The following RABGAP1L variants were observed in gnomAD, a reference collection of about 807,000 sequenced individuals.
RABGAP1L encodes rab GTPase-activating protein 1-like.
A neutral mutation model predicts 137.7 loss-of-function variants in RABGAP1L; 63 were observed. The ratio of observed to expected loss-of-function variants is 0.46; its 90% confidence interval spans 0.37 to 0.56. The LOEUF (loss-of-function observed/expected upper bound fraction) is 0.56, where lower values mean the gene tolerates loss of function less well. Ranked by LOEUF, RABGAP1L falls within the 20% of genes least tolerant of loss-of-function variation. RABGAP1L has a pLI of 0.00. For missense variants in RABGAP1L, 1,095 were observed against 1,244.0 expected, an observed-to-expected ratio of 0.88 and a Z score of 1.80; for synonymous variants, 431 against 433.7, an observed-to-expected ratio of 0.99 and a Z score of 0.08.
rs1006920289 is a variant in RABGAP1L, at chr1:174,761,572, C to T, written c.2211+9218C>T. The stretch of plus-strand genomic sequence containing the variant: ...ATGGTGGGGCCGCCTAGCAGAGGCG[C>T]TCCTCATTTTTCAGACGGTGCGGCC... On this transcript the variant is annotated intron_variant, in intron 18 of 25. Transcript: ENST00000681986. This position sits in a 1 kb window ranked among gnomAD's most constrained non-coding sequence, Gnocchi z 4.0. Among the ~76,000 whole-genome samples the T allele has an allele frequency of 1.3e-5, 2 of 152,142 alleles. No individual in the cohort carries two copies. Among genetic ancestry groups the T allele is most frequent in the African/African-American group, 4.8e-5 (2 of 41,438 alleles).
chr1:174,728,940 C>T (rs1040273260), intron 17 of RABGAP1L, among the ~76,000 whole-genome samples: 2 of 152,074 alleles, frequency 1.3e-5, no homozygotes, highest in African/African-American at 4.8e-5. Flanking sequence ...CGTGCCTGGC[C>T]ACCAGTGTCA....
chr1:174,818,705 A>G (rs992589331), intron 19 of RABGAP1L, among the ~76,000 whole-genome samples: 4 of 151,720 alleles, frequency 2.6e-5, no homozygotes, highest in Admixed American at 2.0e-4. Context: ...GTGAGACCCC[A>G]TCTCTACAAA....
At chr1:174,305,217 T>G in intron 11 of RABGAP1L, 90 bp downstream of exon 11, 1 of 1,302,632 alleles carries the variant, frequency 7.7e-7, no homozygotes, top group East Asian at 2.9e-5. Flanking sequence ...TGGGTAGAAG[T>G]GGTGGTTATT....
At chr1:174,852,304 C>G (rs187947166) in intron 19 of RABGAP1L, among the ~76,000 whole-genome samples, 16 of 152,264 alleles carry the variant, frequency 1.1e-4, no homozygotes, top group African/African-American at 3.9e-4. Context: ...AGAAATGCTG[C>G]AAGTCAGCAT....
At chr1:174,175,492 CTTTTTT>C (rs771691150) in intron 1 of RABGAP1L, among the ~76,000 whole-genome samples, 4 of 137,192 alleles carry the variant, frequency 2.9e-5, no homozygotes, top group African/African-American at 1.1e-4. Context: ...TTTCTTTTTT[CTTTTTT>C]TTTTTTTTTG....
chr1:174,272,766 G>C (rs1674668085), intron 8 of RABGAP1L, among the ~76,000 whole-genome samples: 1 of 151,904 alleles, frequency 6.6e-6, no homozygotes, highest in Admixed American at 6.6e-5. Flanking sequence ...TGAACCTGTA[G>C]TAACAAGTAC....
intron 1 of RABGAP1L, among the ~76,000 whole-genome samples, chr1:174,184,938 C>G (rs1052274202): frequency 3.3e-5 from 5 of 152,156 alleles, no homozygotes; most frequent in African/African-American, 1.2e-4. Flanking sequence ...GCGATGTCTA[C>G]TTTATTTAAG....
At position 174,914,654 on chromosome 1, in the gene RABGAP1L, T is replaced by G. The variant is rs551514962; in HGVS notation, c.2341-42803T>G. 7.2e-5 allele frequency among the ~76,000 whole-genome samples: 11 copies of G among 152,312 alleles called. No individual in the cohort carries two copies. The South Asian group carries it at 2.3e-3, about 32-fold the overall frequency. ...GCAGAAAGATTCTGGCTAGATTTTT[T>G]TTTTAAACTTTTTCAACAGCCTTAT... On this transcript the variant is annotated intron_variant, in intron 19 of 25. Transcript: ENST00000681986.
chr1:174,704,480 T>C (rs1447477331), intron 17 of RABGAP1L, among the ~76,000 whole-genome samples: 1 of 152,220 alleles, frequency 6.6e-6, no homozygotes, highest in Non-Finnish European at 1.5e-5. Context: ...AGTACTTGCC[T>C]AATACCTGAA....
At chr1:174,547,458 A>T (rs1186885224) in intron 13 of RABGAP1L, among the ~76,000 whole-genome samples, 1 of 152,102 alleles carries the variant, frequency 6.6e-6, no homozygotes, top group Non-Finnish European at 1.5e-5. Context: ...CTCTGCAAAA[A>T]AATAAAAAAT....
intron 21 of RABGAP1L, among the ~76,000 whole-genome samples, chr1:174,973,176 A>G (rs756698398): frequency 3.3e-5 from 5 of 152,180 alleles, no homozygotes; most frequent in African/African-American, 9.6e-5. Flanking sequence ...ACTCTTCCCT[A>G]TAGGACCCAC....
intron 1 of RABGAP1L, among the ~76,000 whole-genome samples, chr1:174,171,153 A>G (rs995710969): frequency 2.0e-5 from 3 of 152,206 alleles, no homozygotes; most frequent in African/African-American, 7.2e-5. Context: ...CAGGTGACCT[A>G]TAAGATCCTT....
chr1:174,257,000 T>C (rs1036562262), intron 7 of RABGAP1L, among the ~76,000 whole-genome samples: 1 of 152,146 alleles, frequency 6.6e-6, no homozygotes, highest in African/African-American at 2.4e-5. Context: ...TTTCTTCCAT[T>C]TAACTACTTG....
In RABGAP1L at chr1:174,300,343, T is replaced by C. The variant is rs190831056; in HGVS notation, c.1324-4643T>C. ...GAGTTTGAGACCAGCCTGGCCAACG[T>C]GGAGAAACTCCATCTCTACTAAAAA... On this transcript the variant is annotated intron_variant, in intron 10 of 25. Coordinates refer to ENST00000681986, the MANE Select transcript of RABGAP1L (RefSeq NM_001366446.1). 7.3e-5 allele frequency among the ~76,000 whole-genome samples: 11 copies of C among 151,608 alleles called. No homozygotes were observed. In the East Asian group the frequency reaches 2.2e-3, roughly 30 times the overall value.
chr1:174,636,052 T>G (rs928472435), intron 13 of RABGAP1L, among the ~76,000 whole-genome samples: 1 of 152,208 alleles, frequency 6.6e-6, no homozygotes, highest in Non-Finnish European at 1.5e-5. Context: ...GTACAAAATA[T>G]TTTCACCATC....
intron 13 of RABGAP1L, among the ~76,000 whole-genome samples, chr1:174,407,776 A>G: frequency 6.6e-6 from 1 of 152,172 alleles, no homozygotes; most frequent in Non-Finnish European, 1.5e-5. Flanking sequence ...AAGCACTTTT[A>G]GCTTCACTAG....
chr1:174,784,584 T>TG (rs2148777148), intron 18 of RABGAP1L, among the ~76,000 whole-genome samples: 1 of 152,258 alleles, frequency 6.6e-6, no homozygotes, highest in African/African-American at 2.4e-5. Context: ...GTTGAGTAGA[T>TG]GAACTGAAGG....
chr1:174,197,374 G>A (rs1009707949), intron 1 of RABGAP1L, among the ~76,000 whole-genome samples: 1 of 150,540 alleles, frequency 6.6e-6, no homozygotes, highest in Non-Finnish European at 1.5e-5. Flanking sequence ...AGTAGGTTTG[G>A]TTCCAGACTG....
Position 174,882,052 on chromosome 1 carries a change from G to C in RABGAP1L, c.2340+70092G>C, listed in dbSNP as rs767857900. On this transcript the variant is annotated intron_variant, in intron 19 of 25. Transcript: ENST00000681986. ...AATTTTGTATTTTTAATAGAGACGGGGTTTCTCCATGTTGGTCAGGCTGGT... is the reference window on the plus strand; with the variant it reads ...AATTTTGTATTTTTAATAGAGACGGCGTTTCTCCATGTTGGTCAGGCTGGT... Among the ~76,000 whole-genome samples the C allele has an allele frequency of 2.0e-5, 3 of 151,962 alleles. No homozygotes were observed. The South Asian group carries it at 6.2e-4, about 32-fold the overall frequency.
Sources: gnomAD v4.1 joint callset for allele counts (sites outside exome capture counted in the v4.1 genomes callset) on GRCh38, gnomAD v4.1.1 for gene constraint, Gnocchi (gnomAD v3.1) non-coding constraint, MANE v1.5 for transcripts, NCBI Gene and HGNC (gene_info 2026-07-23, HGNC 2026-07-21) for gene names.